The following ARHGAP31 variants were observed in gnomAD, a reference collection of about 807,000 sequenced individuals.
The protein encoded by ARHGAP31 is Rho GTPase activating protein 31, also known as rho GTPase-activating protein 31.
Under a neutral mutation model 113.9 loss-of-function variants are expected in ARHGAP31, and 34 were observed. The ratio of observed to expected loss-of-function variants is 0.30; its 90% CI spans 0.23 to 0.40. The LOEUF (loss-of-function observed/expected upper bound fraction) is 0.40, where lower values mean the gene tolerates loss of function less well. Ranked by LOEUF, ARHGAP31 falls within the 10% of genes least tolerant of loss-of-function variation. The pLI, the probability that ARHGAP31 is intolerant of heterozygous loss-of-function variation, is 1.00. For synonymous variants in ARHGAP31, 650 were observed against 684.8 expected (o/e 0.95, Z 0.79); for missense variants, 1,548 against 1,767.1 (o/e 0.88, Z 2.22).
chr3:119,304,449 T>A (rs1402900374), intron 1 of ARHGAP31, among the ~76,000 whole-genome samples: 2 of 152,138 alleles, frequency 1.3e-5, no homozygotes, highest in African/African-American at 2.4e-5. Flanking sequence ...ATGGGGTGGT[T>A]GGTCTCTAGA....
At chr3:119,310,960 G>T (rs2079674824) in intron 1 of ARHGAP31, among the ~76,000 whole-genome samples, 1 of 152,198 alleles carries the variant, frequency 6.6e-6, no homozygotes, top group Non-Finnish European at 1.5e-5. Flanking sequence ...TAGACATGCA[G>T]ATGAAACAGG....
chr3:119,303,782 G>A (rs978049666), intron 1 of ARHGAP31, among the ~76,000 whole-genome samples: 2 of 150,584 alleles, frequency 1.3e-5, no homozygotes, highest in Non-Finnish European at 3.0e-5. Context: ...CTCTTTTCAT[G>A]TTTTTTGTTG....
chr3:119,355,584 T>C (rs925021126), intron 1 of ARHGAP31, among the ~76,000 whole-genome samples: 2 of 152,056 alleles, frequency 1.3e-5, no homozygotes, highest in African/African-American at 2.4e-5. Context: ...TGTGCTGCAC[T>C]CATTAACTCG....
chr3:119,316,765 C>A (rs2079735204), intron 1 of ARHGAP31, among the ~76,000 whole-genome samples: 1 of 152,220 alleles, frequency 6.6e-6, no homozygotes, highest in Middle Eastern at 3.2e-3. Flanking sequence ...CTGCTTCAGC[C>A]AAAGAACTCT....
At position 119,415,481 on chromosome 3, in the gene ARHGAP31, A is replaced by T; in HGVS notation, c.3552A>T (p.Ser1184=). 1 of 1,614,082 alleles carries T rather than the reference A, an allele frequency of 6.2e-7. No homozygotes were observed. The highest frequency in any genetic ancestry group is 8.5e-7 in the Non-Finnish European group (1 of 1,180,014). ...GRRNSAPVSV[S]AVRTSFMVKM... ...GTAACTCAGCTCCTGTGAGTGTGTCAGCTGTGAGAACCTCCTTCATGGTCA... is the reference window on the plus strand; with the variant it reads ...GTAACTCAGCTCCTGTGAGTGTGTCTGCTGTGAGAACCTCCTTCATGGTCA... The change falls in exon 12 of 12, where the codon TCA becomes TCT. Residue 1184 remains serine (S), a synonymous_variant. Transcript: ENST00000264245.
chr3:119,299,920 G>A (rs2079565680), intron 1 of ARHGAP31, among the ~76,000 whole-genome samples: 1 of 152,172 alleles, frequency 6.6e-6, no homozygotes, highest in Non-Finnish European at 1.5e-5. Context: ...TTTTTCTTTG[G>A]CTTAGCTGCT....
intron 1 of ARHGAP31, among the ~76,000 whole-genome samples, chr3:119,358,634 G>A (rs2080179394): frequency 6.6e-6 from 1 of 152,066 alleles, no homozygotes; most frequent in African/African-American, 2.4e-5. Context: ...CAAAATGAAG[G>A]CTTTATTTGG....
chr3:119,296,501 G>A (rs756192519), intron 1 of ARHGAP31, among the ~76,000 whole-genome samples: 5 of 152,180 alleles, frequency 3.3e-5, no homozygotes, highest in Non-Finnish European at 5.9e-5. Context: ...GGGCCTTCAA[G>A]TTAACCTCCA....
chr3:119,409,337 C>G (rs890978617), intron 10 of ARHGAP31, among the ~76,000 whole-genome samples, 159 bp from the exon 11 acceptor site: 1 of 152,186 alleles, frequency 6.6e-6, no homozygotes, highest in Admixed American at 6.5e-5. Flanking sequence ...CAGGCCAGGA[C>G]ATTGCTAGGA....
At chr3:119,368,257 A>T in intron 2 of ARHGAP31, 115 bp from the exon 3 acceptor site, 1 of 1,379,748 alleles carries the variant, frequency 7.2e-7, no homozygotes, top group Non-Finnish European at 1.0e-6. Context: ...ATTAAGGTCA[A>T]AAATATAGTC....
intron 1 of ARHGAP31, among the ~76,000 whole-genome samples, chr3:119,311,275 G>C (rs1217428292): frequency 6.6e-6 from 1 of 152,172 alleles, no homozygotes; most frequent in Non-Finnish European, 1.5e-5. Flanking sequence ...TGCAGGGCTG[G>C]TTTGTTTCTG....
In ARHGAP31 at chr3:119,418,468, A is replaced by T. The variant is rs894416898; in HGVS notation, c.*2204A>T. 1 of 152,240 alleles carries T rather than the reference A, an allele frequency of 6.6e-6. No homozygotes were observed. The highest frequency in any genetic ancestry group is 1.5e-5 in the Non-Finnish European group (1 of 68,048). The allele number at this position is 152,240 out of a possible 1,614,324, so 9.4% of individuals were successfully genotyped here. On this transcript the variant is annotated 3_prime_UTR_variant, in exon 12 of 12. Transcript: ENST00000264245. ...GACGCTCTGATAAGGACCATGTTCCAGTTAGAATGCGAGGGAGGGAAAGAG... is the reference window on the plus strand; with the variant it reads ...GACGCTCTGATAAGGACCATGTTCCTGTTAGAATGCGAGGGAGGGAAAGAG...
At chr3:119,373,510 C>A (rs2064991263) in intron 3 of ARHGAP31, among the ~76,000 whole-genome samples, 3 of 151,650 alleles carry the variant, frequency 2.0e-5, no homozygotes, top group Admixed American at 2.0e-4. Context: ...GTCGCCCAGG[C>A]TGGAGAGCAG....
chr3:119,356,169 A>G (rs1244801265), intron 1 of ARHGAP31, among the ~76,000 whole-genome samples: 1 of 152,244 alleles, frequency 6.6e-6, no homozygotes, highest in African/African-American at 2.4e-5. Context: ...ACAAAAGAAT[A>G]TACAGTGAGA....
In ARHGAP31 at chr3:119,294,488, C is replaced by G; in HGVS notation, c.-417C>G. The G allele has an allele frequency of 2.2e-6, 1 of 453,568 alleles. No individual in the cohort carries two copies. The highest frequency in any genetic ancestry group is 3.8e-6 in the Non-Finnish European group (1 of 263,446). The allele number at this position is 453,568 out of a possible 1,614,324, so 28.1% of individuals were successfully genotyped here. On this transcript the variant is annotated 5_prime_UTR_variant, in exon 1 of 12. Coordinates refer to ENST00000264245, the MANE Select transcript of ARHGAP31 (RefSeq NM_020754.4). ...CAGGGCGCAGGACCCACCGCAGCCC[C>G]CTGGGCAGTCTCCTCGCCCCGCGTC...
intron 1 of ARHGAP31, among the ~76,000 whole-genome samples, chr3:119,318,993 C>T (rs1375135): frequency 0.39 from 59,380 of 151,664 alleles, 11,827 homozygotes; most frequent in Non-Finnish European, 0.41. Flanking sequence ...AAATAAGCAA[C>T]GCTGCTGGTC....
intron 10 of ARHGAP31, 36 bp from the exon 11 acceptor site, chr3:119,409,460 G>A (rs1256458927): frequency 6.2e-7 from 1 of 1,612,756 alleles, no homozygotes; most frequent in East Asian, 2.2e-5. Context: ...TTGAAATGAA[G>A]TCTCCTTTAA....
chr3:119,337,521 C>T (rs2079968154), intron 1 of ARHGAP31, among the ~76,000 whole-genome samples: 1 of 152,174 alleles, frequency 6.6e-6, no homozygotes. Context: ...AAATGATTTG[C>T]CACTGTGGGT....
intron 1 of ARHGAP31, among the ~76,000 whole-genome samples, chr3:119,310,562 C>T (rs1249976639): frequency 2.0e-5 from 3 of 152,148 alleles, no homozygotes; most frequent in South Asian, 2.1e-4. Flanking sequence ...CTAATAGGAG[C>T]GCCAATCCTA....
Sources: gnomAD v4.1 joint callset for allele counts (sites outside exome capture counted in the v4.1 genomes callset) on GRCh38, gnomAD v4.1.1 for gene constraint, MANE v1.5 for transcripts, NCBI Gene and HGNC (gene_info 2026-07-23, HGNC 2026-07-21) for gene names.